COQ6: variants seen among roughly 807,000 people sequenced by gnomAD.
COQ6 encodes the protein coenzyme Q6, monooxygenase.
Under a neutral mutation model 55.5 loss-of-function variants are expected in COQ6, and 45 were observed. The ratio of observed to expected loss-of-function variants is 0.81; its 90% CI spans 0.64 to 1.04. The LOEUF (loss-of-function observed/expected upper bound fraction) is 1.04, where lower values mean the gene tolerates loss of function less well. Among genes scored for constraint, COQ6 ranks in the 50% least tolerant of loss-of-function variants. The pLI, the probability that COQ6 is intolerant of heterozygous loss-of-function variation, is 0.00. For synonymous variants in COQ6, 206 were observed against 230.5 expected (o/e 0.89, Z 0.96); for missense variants, 550 against 601.3 (o/e 0.91, Z 0.89).
intron 11 of COQ6, chr14:73,962,765 T>C: frequency 1.7e-6 from 1 of 592,996 alleles, no homozygotes; most frequent in South Asian, 2.1e-5. Flanking sequence ...TGCAGTGAGC[T>C]ATGATCACAC....
At chr14:73,955,689 A>G in intron 3 of COQ6, 116 bp from the exon 4 acceptor site, 1 of 1,518,602 alleles carries the variant, frequency 6.6e-7, no homozygotes. Context: ...TTTTCCTACC[A>G]GAGAGGCTGA....
intron 2 of COQ6, chr14:73,953,929 T>G: frequency 3.0e-6 from 1 of 338,902 alleles, no homozygotes; most frequent in Non-Finnish European, 5.7e-6. Context: ...TCTAGCAAGC[T>G]AGGGAGCTTA....
intron 1 of COQ6, among the ~76,000 whole-genome samples, chr14:73,951,980 C>CA (rs71115933): frequency 7.0e-4 from 56 of 79,734 alleles, no homozygotes; most frequent in African/African-American, 1.0e-3. Context: ...CTCGATATCT[C>CA]AAAAAAAAAA....
At chr14:73,951,621 T>TG (rs1333877332) in intron 1 of COQ6, among the ~76,000 whole-genome samples, 2 of 150,506 alleles carry the variant, frequency 1.3e-5, no homozygotes, top group Admixed American at 6.7e-5. Context: ...TCACCATGCT[T>TG]GGCCCATTAT....
In COQ6 at chr14:73,963,375, G is replaced by C. The variant is rs1158629614; in HGVS notation, c.*376G>C. The C allele has an allele frequency of 5.7e-6, 2 of 351,796 alleles. No individual in the cohort carries two copies. Among genetic ancestry groups the C allele is most frequent in the Non-Finnish European group, 1.0e-5 (2 of 195,720 alleles). The allele number at this position is 351,796 out of a possible 1,614,324, so 21.8% of individuals were successfully genotyped here. On this transcript the variant is annotated 3_prime_UTR_variant, in exon 12 of 12. Transcript: ENST00000334571. ...ATTTATACAGTTGTTTTTTGATAGAGGTAAGAATTAGACTCGATGCATTTT... is the reference window on the plus strand; with the variant it reads ...ATTTATACAGTTGTTTTTTGATAGACGTAAGAATTAGACTCGATGCATTTT...
chr14:73,955,677 TA>T, intron 3 of COQ6, 127 bp from the exon 4 acceptor site: 1 of 1,487,722 alleles, frequency 6.7e-7, no homozygotes, highest in Non-Finnish European at 9.4e-7. Flanking sequence ...TCTCATTTTA[TA>T]TTTTCCTACC....
intron 11 of COQ6, 41 bp downstream of exon 11, chr14:73,961,944 TA>T: frequency 6.2e-7 from 1 of 1,609,562 alleles, no homozygotes. Flanking sequence ...AAACAGCTCT[TA>T]ATTTCTTTTG....
rs780163765 is a variant in COQ6, at chr14:73,959,221, C to G, written c.780C>G (p.Leu260=). ...RFLPSGPIAL[L]PLSDTLSSLV... is the part of the protein sequence containing the mutation. ...TTCCCTCTGGGCCTATTGCTCTGCT[C>G]CCGGTAAGAGGTCCTTCTGACCAGT... The change falls in exon 7 of 12, where the codon CTC becomes CTG. Residue 260 remains leucine (L), a synonymous_variant. Coordinates refer to ENST00000334571, the MANE Select transcript of COQ6 (RefSeq NM_182476.3). The G allele has an allele frequency of 2.5e-6, 4 of 1,614,100 alleles. No homozygotes were observed. The East Asian group carries it at 8.9e-5, about 36-fold the overall frequency.
Position 73,958,678 on chromosome 14 carries a change from G to A in COQ6, c.613-293G>A, listed in dbSNP as rs1442382262. On this transcript the variant is annotated intron_variant, in intron 5 of 11. Coordinates refer to ENST00000334571, the MANE Select transcript of COQ6 (RefSeq NM_182476.3). ...TCAGAACTATTCAGCTCCAGTGTGTGCCCCATACTGAAACTTTCCTTATTG... is the reference window on the plus strand; with the variant it reads ...TCAGAACTATTCAGCTCCAGTGTGTACCCCATACTGAAACTTTCCTTATTG... 9.8e-6 allele frequency: 13 copies of A among 1,331,886 alleles called. No homozygotes were observed. The East Asian group carries it at 3.4e-4, about 35-fold the overall frequency. The allele number at this position is 1,331,886 out of a possible 1,614,324, so 82.5% of individuals were successfully genotyped here. A position where few individuals can be genotyped will look rare whatever the true frequency, so the allele number is the denominator to read the frequency against.
Position 73,955,834 on chromosome 14 carries a change from A to T in COQ6, c.387A>T (p.Ile129=). 1.2e-6 allele frequency: 2 copies of T among 1,614,066 alleles called. No individual in the cohort carries two copies. Among genetic ancestry groups the T allele is most frequent in the Non-Finnish European group, 1.7e-6 (2 of 1,180,006 alleles). ...QVWDACSEAL[I]MFDKDNLDDM... ...GGGACGCCTGCTCAGAGGCCCTGAT[A>T]ATGTTTGATAAGGATAATTTAGATG... Residue 129 remains isoleucine (I), a synonymous_variant, in exon 4 of 12, where the codon ATA becomes ATT. Coordinates refer to ENST00000334571, the MANE Select transcript of COQ6 (RefSeq NM_182476.3).
At position 73,961,325 on chromosome 14, in the gene COQ6, T is replaced by C; in HGVS notation, c.1044T>C (p.Leu348=). The change falls in exon 9 of 12, where the codon CTT becomes CTC. Residue 348 remains leucine, a synonymous_variant. Transcript: ENST00000334571. ...VDAKSRVLFP[L]GLGHAAEYVR... ...CCAAAAGCCGAGTTCTGTTTCCTCT[T>C]GGGTTGGGACATGCTGCTGAGTACG... 1 of 1,614,168 alleles carries C rather than the reference T, an allele frequency of 6.2e-7. No homozygotes were observed. Among genetic ancestry groups the C allele is most frequent in the Non-Finnish European group, 8.5e-7 (1 of 1,180,030 alleles).
At chr14:73,950,929 G>C (rs2140357682) in intron 1 of COQ6, among the ~76,000 whole-genome samples, 1 of 152,258 alleles carries the variant, frequency 6.6e-6, no homozygotes, top group African/African-American at 2.4e-5. Flanking sequence ...ATCTTCTTTA[G>C]AGAAATGCCT....
At position 73,958,958 on chromosome 14, in the gene COQ6, T is replaced by C. The variant is rs1388227625; in HGVS notation, c.613-13T>C. ...GAGGCTGGAAGACTTAGCAGGCTCATGTGTCCATGCAGATAGGTGCAGATG... is the reference window on the plus strand; with the variant it reads ...GAGGCTGGAAGACTTAGCAGGCTCACGTGTCCATGCAGATAGGTGCAGATG... On this transcript the variant is annotated splice_polypyrimidine_tract_variant and intron_variant, in intron 5 of 11. Transcript: ENST00000334571. 3 of 1,613,456 alleles carry C rather than the reference T, an allele frequency of 1.9e-6. No individual in the cohort carries two copies. Among genetic ancestry groups the C allele is most frequent in the East Asian group, 4.5e-5 (2 of 44,888 alleles).
At chr14:73,957,871 A>G (rs1271801466) in intron 4 of COQ6, 1 of 420,194 alleles carries the variant, frequency 2.4e-6, no homozygotes, top group East Asian at 5.3e-5. Context: ...ATTTAAGCGT[A>G]GAGTGAAAAT....
intron 1 of COQ6, among the ~76,000 whole-genome samples, chr14:73,952,638 G>A (rs1174044726): frequency 6.6e-6 from 1 of 151,534 alleles, no homozygotes; most frequent in African/African-American, 2.4e-5. Context: ...CTCCCAAAAT[G>A]CTGAGATTAC....
intron 11 of COQ6, 64 bp downstream of exon 11, chr14:73,961,967 A>G: frequency 6.3e-7 from 1 of 1,582,562 alleles, no homozygotes; most frequent in Non-Finnish European, 8.7e-7. Flanking sequence ...TTTTTTTTGA[A>G]ACAGAGTCTT....
chr14:73,959,594 T>TG, intron 8 of COQ6, 72 bp downstream of exon 8: 1 of 1,606,300 alleles, frequency 6.2e-7, no homozygotes, highest in South Asian at 1.1e-5. Context: ...TTTTTTTTTT[T>TG]GAAACGGATC....
intron 2 of COQ6, among the ~76,000 whole-genome samples, chr14:73,954,749 CAG>C (rs2056338535): frequency 7.0e-6 from 1 of 142,972 alleles, no homozygotes; most frequent in African/African-American, 2.6e-5. Flanking sequence ...GAGGCTGAGA[CAG>C]GAGAATAGGG....
chr14:73,954,972 G>A (rs2056361426), intron 2 of COQ6, among the ~76,000 whole-genome samples: 1 of 112,746 alleles, frequency 8.9e-6, no homozygotes, highest in Non-Finnish European at 1.7e-5. Flanking sequence ...TTTTTTTTGA[G>A]ACGGAGTCTC....
Sources: allele counts gnomAD v4.1 joint callset (sites outside exome capture counted in the v4.1 genomes callset), GRCh38; gene constraint gnomAD v4.1.1; transcripts MANE v1.5; gene names NCBI Gene and HGNC (gene_info 2026-07-23, HGNC 2026-07-21).